PARD3B: variants seen among roughly 807,000 people sequenced by gnomAD.
PARD3B encodes partitioning defective 3 homolog B.
A neutral mutation model predicts 130.2 loss-of-function variants in PARD3B; 103 were observed. That is an observed-to-expected ratio of 0.79 (90% CI 0.67 to 0.93). The LOEUF is 0.93. Among genes scored for constraint, PARD3B ranks in the 40% least tolerant of loss-of-function variants. The pLI is 0.00. For synonymous variants in PARD3B, 583 were observed against 553.2 expected, an observed-to-expected ratio of 1.05 and a Z score of -0.76; for missense variants, 1,609 against 1,499.2, an observed-to-expected ratio of 1.07 and a Z score of -1.21.
At chr2:204,935,037 A>G (rs557153638) in intron 2 of PARD3B, among the ~76,000 whole-genome samples, 3 of 152,180 alleles carry the variant, frequency 2.0e-5, no homozygotes, top group South Asian at 4.2e-4. Context: ...TTGTTATATG[A>G]CGCTTGATTA....
chr2:205,338,553 C>T (rs1165839806), intron 18 of PARD3B, among the ~76,000 whole-genome samples: 3 of 152,154 alleles, frequency 2.0e-5, no homozygotes, highest in African/African-American at 4.8e-5. Context: ...TGGGAGTAAG[C>T]ACCCTACTCT....
At chr2:205,250,208 A>C (rs2039779194) in intron 16 of PARD3B, among the ~76,000 whole-genome samples, 1 of 151,856 alleles carries the variant, frequency 6.6e-6, no homozygotes, top group African/African-American at 2.4e-5. Flanking sequence ...AGGGCTTATA[A>C]ATTTTACTTT....
At chr2:204,569,551 A>G (rs1385245213) in intron 1 of PARD3B, among the ~76,000 whole-genome samples, 6 of 152,224 alleles carry the variant, frequency 3.9e-5, no homozygotes, top group Non-Finnish European at 8.8e-5. Context: ...GTCATGGGCT[A>G]GGCGGTGTCC....
In PARD3B at chr2:205,146,502, T is replaced by G. The variant is rs2033369631; in HGVS notation, c.1435-12220T>G. On this transcript the variant is annotated intron_variant, in intron 10 of 22. Coordinates refer to ENST00000406610, the MANE Select transcript of PARD3B (RefSeq NM_001302769.2). The surrounding 1 kb of genome is among the most constrained non-coding windows in gnomAD (Gnocchi z 4.3). ...GTCTCTACTAAAAATACAAAAACATTTATCTGGGCGTGGTGGCGGGCGCCT... is the reference window on the plus strand; with the variant it reads ...GTCTCTACTAAAAATACAAAAACATGTATCTGGGCGTGGTGGCGGGCGCCT... Among the ~76,000 whole-genome samples the G allele has an allele frequency of 6.6e-6, 1 of 151,508 alleles. No individual in the cohort carries two copies. Among genetic ancestry groups the G allele is most frequent in the Admixed American group, 6.6e-5 (1 of 15,212 alleles).
rs2051555065 is a variant in PARD3B at position 205,530,738 on chromosome 2, T to G, written c.3181-22586T>G. Among the ~76,000 whole-genome samples, 1 of 152,102 alleles carries G rather than the reference T, an allele frequency of 6.6e-6. No individual in the cohort carries two copies. The highest frequency in any genetic ancestry group is 1.5e-5 in the Non-Finnish European group (1 of 68,034). On this transcript the variant is annotated intron_variant, in intron 21 of 22. Coordinates refer to ENST00000406610, the MANE Select transcript of PARD3B (RefSeq NM_001302769.2). The surrounding 1 kb of genome is among the most constrained non-coding windows in gnomAD (Gnocchi z 4.7). ...TACAAAGTGTTGCACATGCTTCCACTGAGGACTAAAGCAATGAAAAATATC... is the reference window on the plus strand; with the variant it reads ...TACAAAGTGTTGCACATGCTTCCACGGAGGACTAAAGCAATGAAAAATATC...
rs1477093367 is a variant in PARD3B at position 205,105,310 on chromosome 2, C to T, written c.593+796C>T. 6.6e-6 allele frequency among the ~76,000 whole-genome samples: 1 copy of T among 152,172 alleles called. No homozygotes were observed. The highest frequency in any genetic ancestry group is 1.5e-5 in the Non-Finnish European group (1 of 68,032). ...TGAGTGTTTGCTGCTGTTTCTACTA[C>T]TATCATTAATATCACATCATCTCTA... On this transcript the variant is annotated intron_variant, in intron 5 of 22. Transcript: ENST00000406610. The surrounding 1 kb of genome is among the most constrained non-coding windows in gnomAD (Gnocchi z 4.0).
At chr2:204,643,940 C>T (rs1023957162) in intron 1 of PARD3B, among the ~76,000 whole-genome samples, 5 of 152,184 alleles carry the variant, frequency 3.3e-5, no homozygotes, top group African/African-American at 1.2e-4. Context: ...ATCAAAGGCC[C>T]ACTGTCCAGT....
chr2:205,486,747 A>T (rs2049458374), intron 20 of PARD3B, among the ~76,000 whole-genome samples: 1 of 152,134 alleles, frequency 6.6e-6, no homozygotes, highest in Admixed American at 6.6e-5. Flanking sequence ...TACCAAGGGG[A>T]TGGTCCTAAA....
At chr2:205,393,412 G>T (rs1055876827) in intron 18 of PARD3B, among the ~76,000 whole-genome samples, 34 of 152,170 alleles carry the variant, frequency 2.2e-4, no homozygotes, top group African/African-American at 8.2e-4. Flanking sequence ...AAGTTTGTAG[G>T]TTTTCACATG....
At chr2:204,754,368 G>A (rs933323599) in intron 2 of PARD3B, among the ~76,000 whole-genome samples, 2 of 104,302 alleles carry the variant, frequency 1.9e-5, no homozygotes, top group African/African-American at 5.3e-5. Flanking sequence ...TTAAAGAGAG[G>A]GAACTCGAAA....
intron 2 of PARD3B, among the ~76,000 whole-genome samples, chr2:204,697,054 A>G (rs2037643964): frequency 6.6e-6 from 1 of 152,126 alleles, no homozygotes; most frequent in African/African-American, 2.4e-5. Flanking sequence ...GATTATTCTA[A>G]TAGCCTAACA....
At position 205,531,877 on chromosome 2, in the gene PARD3B, G is replaced by A. The variant is rs141321876; in HGVS notation, c.3181-21447G>A. ...GATCATCAGGAACCATGATTTGCACGCTCTCCGCAGAGTTATTACAGAGAA... is the reference window on the plus strand; with the variant it reads ...GATCATCAGGAACCATGATTTGCACACTCTCCGCAGAGTTATTACAGAGAA... On this transcript the variant is annotated intron_variant, in intron 21 of 22. Coordinates refer to ENST00000406610, the MANE Select transcript of PARD3B (RefSeq NM_001302769.2). Among the ~76,000 whole-genome samples the A allele has an allele frequency of 2.7e-3, 406 of 152,234 alleles. 5 individuals are homozygous for A. The highest frequency in any genetic ancestry group is 6.0e-4 in the Non-Finnish European group (41 of 68,004).
chr2:205,015,967 A>G lies in PARD3B; in HGVS notation c.395-31614A>G, dbSNP rs904495182. On this transcript the variant is annotated intron_variant, in intron 3 of 22. Coordinates refer to ENST00000406610, the MANE Select transcript of PARD3B (RefSeq NM_001302769.2). The surrounding 1 kb of genome is among the most constrained non-coding windows in gnomAD (Gnocchi z 4.5). The stretch of plus-strand genomic sequence containing the variant: ...TGAGGCCACCACTCCCAACAGTTAC[A>G]CTGAAGTTGATTTGCCTGGAAATGC... Among the ~76,000 whole-genome samples, 2 of 152,094 alleles carry G rather than the reference A, an allele frequency of 1.3e-5. No individual in the cohort carries two copies. Among genetic ancestry groups the G allele is most frequent in the African/African-American group, 4.8e-5 (2 of 41,420 alleles).
intron 18 of PARD3B, among the ~76,000 whole-genome samples, chr2:205,391,362 G>A (rs915511132): frequency 6.6e-6 from 1 of 152,186 alleles, no homozygotes; most frequent in Non-Finnish European, 1.5e-5. Context: ...CATGCCATCA[G>A]TTGTGTCTAT....
intron 4 of PARD3B, among the ~76,000 whole-genome samples, chr2:205,094,114 T>G (rs2125546896): frequency 6.6e-6 from 1 of 152,294 alleles, no homozygotes; most frequent in Non-Finnish European, 1.5e-5. Flanking sequence ...TAAGGATTGC[T>G]TCAAGTGCCT....
rs138398005 is a variant in PARD3B at position 205,103,224 on chromosome 2, AAT to A, written c.505-1200_505-1199del. On this transcript the variant is annotated intron_variant, in intron 4 of 22. Coordinates refer to ENST00000406610, the MANE Select transcript of PARD3B (RefSeq NM_001302769.2). ...ATGTAAACATTTTATATTTATGTAAAATAAACATATTTTATATTTATGTAAAA... is the reference window on the plus strand; with the variant it reads ...ATGTAAACATTTTATATTTATGTAAAAAACATATTTTATATTTATGTAAAA... Among the ~76,000 whole-genome samples, 888 of 135,418 alleles carry A rather than the reference AAT, an allele frequency of 6.6e-3. 28 individuals are homozygous for A. The highest frequency in any genetic ancestry group is 9.7e-3 in the Admixed American group (124 of 12,768). 88.8% of individuals were successfully genotyped at this position (135,418 alleles called of 152,430 possible). A position where few individuals can be genotyped will look rare whatever the true frequency, so the allele number is the denominator to read the frequency against.
At chr2:205,254,244 A>G (rs1370779301) in intron 16 of PARD3B, among the ~76,000 whole-genome samples, 3 of 151,958 alleles carry the variant, frequency 2.0e-5, no homozygotes, top group Non-Finnish European at 4.4e-5. Flanking sequence ...CATTCTAGCA[A>G]TGTTTTAAAT....
chr2:205,528,780 G>T (rs111970559), intron 21 of PARD3B, among the ~76,000 whole-genome samples: 1 of 152,104 alleles, frequency 6.6e-6, no homozygotes, highest in African/African-American at 2.4e-5. Flanking sequence ...GTGAGCCACC[G>T]TGCCTGGCCA....
chr2:204,776,414 C>T (rs959537603), intron 2 of PARD3B, among the ~76,000 whole-genome samples: 2 of 151,942 alleles, frequency 1.3e-5, no homozygotes, highest in Non-Finnish European at 2.9e-5. Flanking sequence ...GAATAATTTC[C>T]TCTTTAAGTT....
Sources: allele counts gnomAD v4.1 joint callset (sites outside exome capture counted in the v4.1 genomes callset), GRCh38; gene constraint gnomAD v4.1.1; non-coding constraint Gnocchi (gnomAD v3.1); transcripts MANE v1.5; gene names NCBI Gene and HGNC (gene_info 2026-07-23, HGNC 2026-07-21).